Variants in DENND2B observed in about 807,000 individuals in gnomAD.
DENND2B encodes the protein DENN domain-containing protein 2B.
DENND2B carries 32 observed loss-of-function variants against 116.0 expected under a neutral mutation model. The ratio of observed to expected loss-of-function variants is 0.28; its 90% CI spans 0.21 to 0.37. The LOEUF (loss-of-function observed/expected upper bound fraction) is 0.37. DENND2B is among the 10% of genes least tolerant of loss of function. DENND2B has a pLI of 1.00. For synonymous variants in DENND2B, 588 were observed against 583.9 expected, an observed-to-expected ratio of 1.01 and a Z score of -0.10; for missense variants, 1,276 against 1,477.7, an observed-to-expected ratio of 0.86 and a Z score of 2.24.
At chr11:8,717,686 GC>G (rs1445650335) in intron 5 of DENND2B, 54 bp downstream of exon 5, 80 of 1,480,350 alleles carry the variant, frequency 5.4e-5, no homozygotes, top group Admixed American at 7.1e-5. Flanking sequence ...GGAAGAGCAG[GC>G]CCCCACTGTG....
intron 1 of DENND2B, among the ~76,000 whole-genome samples, chr11:8,892,561 G>A (rs1310122201): frequency 1.3e-5 from 2 of 151,806 alleles, no homozygotes; most frequent in Non-Finnish European, 2.9e-5. Flanking sequence ...ATGATAAAGG[G>A]GATATCACCA....
intron 1 of DENND2B, among the ~76,000 whole-genome samples, chr11:8,779,505 TC>T (rs2058124353): frequency 8.3e-6 from 1 of 120,890 alleles, no homozygotes; most frequent in Non-Finnish European, 1.7e-5. Context: ...TTTCTTTCTT[TC>T]TTTCTTTCTT....
At chr11:8,708,517 T>C (rs1435080681) in intron 11 of DENND2B, among the ~76,000 whole-genome samples, 1 of 152,190 alleles carries the variant, frequency 6.6e-6, no homozygotes, top group Non-Finnish European at 1.5e-5. Context: ...ATCTAGAAGC[T>C]GTGGAGCCAG....
Position 8,714,630 on chromosome 11 carries a change from A to G in DENND2B, c.1922T>C (p.Ile641Thr), listed in dbSNP as rs377125579. Reference protein sequence around the residue: ...KRLKKLSMSSIETASLRDENS... With the variant: ...KRLKKLSMSSTETASLRDENS... The stretch of plus-strand genomic sequence containing the variant: ...CCTACCTCTCAGTGATGCTGTTTCA[A>G]TGCTGGACATAGACAACTTTTTTAA... Residue 641 changes from isoleucine to threonine, a missense_variant, in exon 7 of 20, where the codon ATT (isoleucine) becomes ACT (threonine). This residue lies in a region of DENND2B where 856 missense variants were observed against 846.6 expected (regional missense o/e 1.01). Coordinates refer to ENST00000313726, the MANE Select transcript of DENND2B (RefSeq NM_213618.2). 22 of 1,614,046 alleles carry G rather than the reference A, an allele frequency of 1.4e-5. No individual in the cohort carries two copies. The African/African-American group carries it at 2.7e-4, about 20-fold the overall frequency.
chr11:8,777,215 TGA>T (rs1208725479), intron 1 of DENND2B, among the ~76,000 whole-genome samples: 4 of 152,186 alleles, frequency 2.6e-5, no homozygotes, highest in African/African-American at 4.8e-5. Flanking sequence ...GCAGCTGCTA[TGA>T]GCTTCCAGTG....
intron 8 of DENND2B, 130 bp downstream of exon 8, chr11:8,713,868 C>A: frequency 1.1e-6 from 1 of 927,698 alleles, no homozygotes. Flanking sequence ...GTTCTGGTAT[C>A]TGGCCTGTCT....
upstream of DENND2B, chr11:8,811,469 G>A: frequency 2.5e-6 from 1 of 394,918 alleles, no homozygotes; most frequent in Non-Finnish European, 4.5e-6. Context: ...TGCAGCTAAG[G>A]TGCAGGCTTA....
chr11:8,723,234 T>A (rs969719626), intron 4 of DENND2B, among the ~76,000 whole-genome samples: 1 of 152,170 alleles, frequency 6.6e-6, no homozygotes, highest in African/African-American at 2.4e-5. Flanking sequence ...CTATGCTGGG[T>A]GCTGGCAATC....
intron 3 of DENND2B, among the ~76,000 whole-genome samples, chr11:8,729,224 C>T (rs1481345879): frequency 1.3e-5 from 2 of 152,164 alleles, no homozygotes; most frequent in East Asian, 1.9e-4. Context: ...TCACTCCCAG[C>T]CTACCCTGAT....
upstream of DENND2B, among the ~76,000 whole-genome samples, chr11:8,813,683 G>C (rs1365970140): frequency 6.6e-6 from 1 of 152,184 alleles, no homozygotes; most frequent in African/African-American, 2.4e-5. Flanking sequence ...CTGAGTACTA[G>C]AACTGATACA....
intron 1 of DENND2B, among the ~76,000 whole-genome samples, chr11:8,799,922 TTATTATTATTATTATTA>T (rs2060171331): frequency 7.3e-4 from 1 of 1,366 alleles, no homozygotes; most frequent in East Asian, 7.9e-3. Flanking sequence ...CATGTATTTA[TTATTATTATTATTATTA>T]TTATTATTAT....
At chr11:8,711,486 A>C (rs1428028661) in intron 9 of DENND2B, among the ~76,000 whole-genome samples, 1 of 152,154 alleles carries the variant, frequency 6.6e-6, no homozygotes, top group African/African-American at 2.4e-5. Context: ...ATGGAAAACA[A>C]AGGGGACAAG....
At chr11:8,906,144 A>C (rs1381463071) in intron 1 of DENND2B, among the ~76,000 whole-genome samples, 1 of 151,898 alleles carries the variant, frequency 6.6e-6, no homozygotes, top group Non-Finnish European at 1.5e-5. Flanking sequence ...TGAAATATAC[A>C]CTTAAGACAG....
chr11:8,713,466 G>A (rs1255510884), intron 8 of DENND2B, among the ~76,000 whole-genome samples: 5 of 151,912 alleles, frequency 3.3e-5, no homozygotes, highest in African/African-American at 1.2e-4. Context: ...TACAACCTCC[G>A]CCTCCCGGGT....
Position 8,795,422 on chromosome 11 carries a change from T to G in DENND2B, c.-26+15095A>C, listed in dbSNP as rs951580256. On this transcript the variant is annotated intron_variant, in intron 1 of 19. Transcript: ENST00000313726. Reference sequence around the variant, plus strand: ...CCCAGCCAACAGTAGCAGCATCACTTCCAAACTTGTTAAAAATGCAAATTT... The same window carrying G: ...CCCAGCCAACAGTAGCAGCATCACTGCCAAACTTGTTAAAAATGCAAATTT... 5.9e-5 allele frequency among the ~76,000 whole-genome samples: 9 copies of G among 152,204 alleles called. No individual in the cohort carries two copies. In the East Asian group the frequency reaches 1.7e-3, roughly 29 times the overall value.
intron 4 of DENND2B, among the ~76,000 whole-genome samples, chr11:8,823,423 C>T (rs1010665078): frequency 2.6e-5 from 4 of 152,114 alleles, no homozygotes; most frequent in African/African-American, 9.7e-5. Context: ...TATTGATTTG[C>T]ATATGTTGAG....
At chr11:8,801,449 G>T (rs1188339056) in intron 1 of DENND2B, among the ~76,000 whole-genome samples, 1 of 152,174 alleles carries the variant, frequency 6.6e-6, no homozygotes, top group East Asian at 1.9e-4. Flanking sequence ...GGCCGAGGCA[G>T]ATGGAATGCC....
At chr11:8,837,461 C>A (rs2062472549) in intron 4 of DENND2B, among the ~76,000 whole-genome samples, 1 of 151,912 alleles carries the variant, frequency 6.6e-6, no homozygotes. Context: ...GATTCTCCTG[C>A]CTCAGCCTCC....
chr11:8,854,514 T>C (rs973465394), intron 3 of DENND2B, among the ~76,000 whole-genome samples: 2 of 152,068 alleles, frequency 1.3e-5, no homozygotes, highest in Admixed American at 1.3e-4. Flanking sequence ...AAAGAACCAA[T>C]TTAAAGTTGA....
Sources: gnomAD v4.1 joint callset for allele counts (sites outside exome capture counted in the v4.1 genomes callset) on GRCh38, gnomAD v4.1.1 for gene constraint, gnomAD v4.1.1 regional missense constraint, MANE v1.5 for transcripts, NCBI Gene and HGNC (gene_info 2026-07-23, HGNC 2026-07-21) for gene names.